Variants in FAM89A observed in about 807,000 individuals in gnomAD.
The protein encoded by FAM89A is family with sequence similarity 89 member A, also known as protein FAM89A.
A neutral mutation model predicts 7.1 loss-of-function variants in FAM89A; 10 were observed. The ratio of observed to expected loss-of-function variants is 1.40; its 90% CI spans 0.86 to 2.38. The LOEUF (loss-of-function observed/expected upper bound fraction) is 2.38. Ranked by LOEUF, FAM89A falls within the 30% of genes most tolerant of loss-of-function variation. FAM89A has a pLI of 0.00. For missense variants in FAM89A, 276 were observed against 262.8 expected (o/e 1.05, Z -0.35); for synonymous variants, 157 against 129.3 (o/e 1.21, Z -1.45).
intron 1 of FAM89A, among the ~76,000 whole-genome samples, chr1:231,030,705 T>C (rs895378628): frequency 6.6e-6 from 1 of 152,230 alleles, no homozygotes; most frequent in African/African-American, 2.4e-5. Context: ...AGACTTCAAA[T>C]GTTTTGGTCT....
intron 1 of FAM89A, among the ~76,000 whole-genome samples, chr1:231,031,471 A>G (rs1450678925): frequency 6.6e-6 from 1 of 152,228 alleles, no homozygotes; most frequent in Admixed American, 6.5e-5. Context: ...GTCATATGAA[A>G]AAAGTGGAAA....
At chr1:231,039,604 C>T (rs962540148) in intron 1 of FAM89A, among the ~76,000 whole-genome samples, 1 of 152,222 alleles carries the variant, frequency 6.6e-6, no homozygotes, top group Non-Finnish European at 1.5e-5. Context: ...AGGCCGCCCC[C>T]GCCCCCAGGC....
intron 1 of FAM89A, among the ~76,000 whole-genome samples, chr1:231,031,144 C>A (rs1680062213): frequency 6.6e-6 from 1 of 152,026 alleles, no homozygotes; most frequent in Non-Finnish European, 1.5e-5. Flanking sequence ...AAACCTATTA[C>A]ATGCTAACAC....
chr1:231,037,982 A>G (rs377353075), intron 1 of FAM89A, among the ~76,000 whole-genome samples: 9 of 152,168 alleles, frequency 5.9e-5, no homozygotes, highest in African/African-American at 1.9e-4. Context: ...TATTTTGCAG[A>G]TATCTCAGGA....
intron 1 of FAM89A, among the ~76,000 whole-genome samples, chr1:231,035,651 A>G (rs2103076935): frequency 6.6e-6 from 1 of 152,356 alleles, no homozygotes; most frequent in South Asian, 2.1e-4. Flanking sequence ...ACACCCAGTC[A>G]GGGACATCCT....
intron 1 of FAM89A, among the ~76,000 whole-genome samples, chr1:231,036,717 T>C (rs996044726): frequency 6.6e-6 from 1 of 152,174 alleles, no homozygotes; most frequent in Non-Finnish European, 1.5e-5. Flanking sequence ...CCCATTGAGA[T>C]GGTATTACTC....
intron 1 of FAM89A, among the ~76,000 whole-genome samples, chr1:231,035,786 C>T (rs1385773577): frequency 1.3e-5 from 2 of 152,178 alleles, no homozygotes; most frequent in Non-Finnish European, 1.5e-5. Context: ...TTATATAGAA[C>T]GGGGTCTGCA....
Position 231,020,019 on chromosome 1 carries a change from G to A in FAM89A, c.399C>T (p.Cys133=), listed in dbSNP as rs1201499256. 1.2e-6 allele frequency: 2 copies of A among 1,614,156 alleles called. No individual in the cohort carries two copies. Among genetic ancestry groups the A allele is most frequent in the East Asian group, 2.2e-5 (1 of 44,872 alleles). ...AGAAGCCGTTCTCCAGAGCGTAAGTGCAGTCTGGGCTGGAGGCTGCCTGGC... is the reference window on the plus strand; with the variant it reads ...AGAAGCCGTTCTCCAGAGCGTAAGTACAGTCTGGGCTGGAGGCTGCCTGGC... ...GACQAASSPD[C]TYALENGFFD... Residue 133 remains cysteine, a synonymous_variant, in exon 2 of 2, where the codon TGC becomes TGT. Transcript: ENST00000366654.
At chr1:231,033,742 T>C (rs1572357891) in intron 1 of FAM89A, among the ~76,000 whole-genome samples, 2 of 152,198 alleles carry the variant, frequency 1.3e-5, no homozygotes, top group African/African-American at 4.8e-5. Flanking sequence ...AAAATATCAA[T>C]TTATAGTACT....
intron 1 of FAM89A, among the ~76,000 whole-genome samples, chr1:231,032,332 G>A (rs1572357330): frequency 7.6e-5 from 1 of 13,084 alleles, no homozygotes; most frequent in Non-Finnish European, 1.4e-4. Flanking sequence ...ACCAAACTGC[G>A]CTCAAAAAAC....
chr1:231,021,629 C>G, intron 1 of FAM89A: 1 of 1,538,578 alleles, frequency 6.5e-7, no homozygotes, highest in Non-Finnish European at 9.0e-7. Context: ...AAGAAAGCGT[C>G]GAGGTGGAGC....
Position 231,019,780 on chromosome 1 carries a change from C to A in FAM89A, c.*83G>T. ...CCGAGGACCGTCCACAACGGAGGTG[C>A]TTTCTTGCAAGAGAAGCAGCAAATG... is the stretch of plus-strand genomic sequence containing the variant. On this transcript the variant is annotated 3_prime_UTR_variant, in exon 2 of 2. Transcript: ENST00000366654. The A allele has an allele frequency of 6.7e-7, 1 of 1,497,938 alleles. No homozygotes were observed. The highest frequency in any genetic ancestry group is 9.1e-7 in the Non-Finnish European group (1 of 1,103,040). The allele number at this position is 1,497,938 out of a possible 1,614,324, so 92.8% of individuals were successfully genotyped here.
chr1:231,029,843 C>T (rs1035219896), intron 1 of FAM89A, among the ~76,000 whole-genome samples: 9 of 152,160 alleles, frequency 5.9e-5, no homozygotes, highest in Admixed American at 3.9e-4. Flanking sequence ...TTGGTAAATG[C>T]CCCAAATCTA....
intron 1 of FAM89A, among the ~76,000 whole-genome samples, chr1:231,022,415 G>C (rs1277562419): frequency 6.6e-6 from 1 of 152,228 alleles, no homozygotes; most frequent in Non-Finnish European, 1.5e-5. Context: ...TCTAGAGTGA[G>C]AGAAAGGGAG....
chr1:231,039,514 G>A (rs1341548129), intron 1 of FAM89A, among the ~76,000 whole-genome samples: 1 of 152,226 alleles, frequency 6.6e-6, no homozygotes, highest in Admixed American at 6.5e-5. Flanking sequence ...GTAGGAAAAC[G>A]CAATCGCGTT....
In FAM89A at chr1:231,040,116, G is replaced by A. The variant is rs1401688603; in HGVS notation, c.96C>T (p.Ser32=). The change falls in exon 1 of 2, where the codon AGC becomes AGT. Residue 32 remains serine (S), a synonymous_variant. Transcript: ENST00000366654. ...CGCCCGACGCCGAGTGCAGCAGCCCGCTCAAGCTCTTTGGCAGCGGGGGCA... is the reference window on the plus strand; with the variant it reads ...CGCCCGACGCCGAGTGCAGCAGCCCACTCAAGCTCTTTGGCAGCGGGGGCA... The part of the protein sequence containing the change: ...DGLPPLPKSL[S]GLLHSASGGG... 1.4e-6 allele frequency: 2 copies of A among 1,406,924 alleles called. No individual in the cohort carries two copies. Among genetic ancestry groups the A allele is most frequent in the East Asian group, 3.2e-5 (1 of 31,660 alleles). The allele number at this position is 1,406,924 out of a possible 1,614,324, so 87.2% of individuals were successfully genotyped here. A position where few individuals can be genotyped will look rare whatever the true frequency, so the allele number is the denominator to read the frequency against.
In FAM89A at chr1:231,021,991, G is replaced by C. The variant is rs368366253; in HGVS notation, c.292-1865C>G. On this transcript the variant is annotated intron_variant, in intron 1 of 1. Transcript: ENST00000366654. ...AGGGCGCTATAGGCCTCAGGCCCTCGGGTACTGTCGGTTGTCCTATCTGCA... is the reference window on the plus strand; with the variant it reads ...AGGGCGCTATAGGCCTCAGGCCCTCCGGTACTGTCGGTTGTCCTATCTGCA... 3.0e-4 allele frequency: 393 copies of C among 1,328,628 alleles called. 3 individuals are homozygous for C. The African/African-American group carries it at 5.0e-3, about 17-fold the overall frequency. 82.3% of individuals were successfully genotyped at this position (1,328,628 alleles called of 1,614,324 possible).
chr1:231,036,711 T>C (rs1381320987), intron 1 of FAM89A, among the ~76,000 whole-genome samples: 4 of 152,162 alleles, frequency 2.6e-5, no homozygotes, highest in African/African-American at 9.7e-5. Context: ...TCTCCTCCCA[T>C]TGAGATGGTA....
chr1:231,030,734 T>C (rs1375948132), intron 1 of FAM89A, among the ~76,000 whole-genome samples: 2 of 152,212 alleles, frequency 1.3e-5, no homozygotes, highest in Non-Finnish European at 2.9e-5. Context: ...TCTAAAAAAT[T>C]ATTGAAGGTC....
Sources: gnomAD v4.1 joint callset for allele counts (sites outside exome capture counted in the v4.1 genomes callset) on GRCh38, gnomAD v4.1.1 for gene constraint, MANE v1.5 for transcripts, NCBI Gene and HGNC (gene_info 2026-07-23, HGNC 2026-07-21) for gene names.